The following LPXN variants were observed in gnomAD, a reference collection of about 807,000 sequenced individuals.
LPXN encodes the protein leupaxin.
In LPXN, 28 loss-of-function variants were observed where a neutral mutation model predicts 45.6. The observed-to-expected ratio is 0.61, with a 90% CI of 0.45 to 0.84. The LOEUF (loss-of-function observed/expected upper bound fraction) is 0.84. Among genes scored for constraint, LPXN ranks in the 40% least tolerant of loss-of-function variants. The pLI, the probability that LPXN is intolerant of heterozygous loss-of-function variation, is 0.00. For synonymous variants in LPXN, 166 were observed against 169.9 expected (o/e 0.98, Z 0.18); for missense variants, 459 against 475.0 (o/e 0.97, Z 0.31).
In LPXN at chr11:58,570,569, G is replaced by C. The variant is rs368653566; in HGVS notation, c.158C>G (p.Thr53Arg). 19 of 1,611,888 alleles carry C rather than the reference G, an allele frequency of 1.2e-5. No homozygotes were observed. The highest frequency in any genetic ancestry group is 1.6e-5 in the Non-Finnish European group (19 of 1,179,166). ...ATGAAAATTTACCGGCAAGGGACTT[G>C]TGTTATCCTGAATAGAAAGGATCTC... is the stretch of plus-strand genomic sequence containing the variant. ...TSEILSIQDN[T>R]SPLPAQLVYT... is the part of the protein sequence containing the mutation. The change falls in exon 2 of 9, where the codon ACA (threonine) becomes AGA (arginine). Residue 53 changes from threonine (T) to arginine (R), a missense_variant. By Grantham distance (71) the Thr-to-Arg change is moderately conservative (BLOSUM62 -1). Transcript: ENST00000395074.
chr11:58,549,393 G>T (rs987725135), intron 7 of LPXN, among the ~76,000 whole-genome samples: 2 of 152,114 alleles, frequency 1.3e-5, no homozygotes, highest in Non-Finnish European at 2.9e-5. Flanking sequence ...GCAACACAGT[G>T]AGACTCCGTC....
chr11:58,561,074 C>G (rs1204167163), intron 3 of LPXN, among the ~76,000 whole-genome samples: 1 of 152,160 alleles, frequency 6.6e-6, no homozygotes, highest in East Asian at 1.9e-4. Context: ...CATTAATCAA[C>G]AGAGCTTAGC....
At chr11:58,576,108 T>C (rs1459481175), upstream of LPXN, among the ~76,000 whole-genome samples, 1 of 152,072 alleles carries the variant, frequency 6.6e-6, no homozygotes, top group Non-Finnish European at 1.5e-5. Flanking sequence ...CTTGGATTCA[T>C]GGGAATGGCA....
upstream of LPXN, chr11:58,575,884 TAAACC>T: frequency 6.3e-7 from 1 of 1,596,568 alleles, no homozygotes. Context: ...GCAGCCTCTA[TAAACC>T]TTTTTGGTTC....
intron 8 of LPXN, 43 bp from the exon 9 acceptor site, chr11:58,527,766 G>C: frequency 6.4e-7 from 1 of 1,571,158 alleles, no homozygotes; most frequent in African/African-American, 1.4e-5. Flanking sequence ...CAAATGTCAA[G>C]AGGTAAAATG....
At chr11:58,559,483 T>A (rs574883620) in intron 3 of LPXN, among the ~76,000 whole-genome samples, 3 of 152,142 alleles carry the variant, frequency 2.0e-5, no homozygotes, top group African/African-American at 7.2e-5. Flanking sequence ...TGCTATAGAA[T>A]AACATGCAAC....
upstream of LPXN, among the ~76,000 whole-genome samples, chr11:58,577,033 C>T (rs1287006602): frequency 6.6e-6 from 1 of 152,084 alleles, no homozygotes; most frequent in African/African-American, 2.4e-5. Flanking sequence ...CTCAAGGGAT[C>T]CTCCCACTTT....
intron 1 of LPXN, among the ~76,000 whole-genome samples, chr11:58,572,580 T>G (rs957265418): frequency 6.6e-6 from 1 of 152,180 alleles, no homozygotes; most frequent in African/African-American, 2.4e-5. Flanking sequence ...AAGTAAGTAC[T>G]GTTTATTTTA....
intron 1 of LPXN, 48 bp from the exon 2 acceptor site, chr11:58,570,761 C>T: frequency 6.9e-7 from 1 of 1,439,104 alleles, no homozygotes; most frequent in African/African-American, 1.4e-5. Flanking sequence ...ATTTAAATCC[C>T]TACAGTCATT....
intron 7 of LPXN, among the ~76,000 whole-genome samples, chr11:58,545,040 G>T (rs1345382025): frequency 6.6e-6 from 1 of 152,156 alleles, no homozygotes; most frequent in Non-Finnish European, 1.5e-5. Flanking sequence ...CCTAATTAAT[G>T]AACTGATCAT....
At chr11:58,539,784 T>C (rs1360026278) in intron 7 of LPXN, among the ~76,000 whole-genome samples, 1 of 152,178 alleles carries the variant, frequency 6.6e-6, no homozygotes, top group Non-Finnish European at 1.5e-5. Flanking sequence ...TCACCTTTCC[T>C]GTATGAGATA....
chr11:58,576,468 T>C (rs1270969356), upstream of LPXN, among the ~76,000 whole-genome samples: 2 of 152,188 alleles, frequency 1.3e-5, no homozygotes, highest in Non-Finnish European at 2.9e-5. Context: ...TGCATCTCAA[T>C]TAAGCATAAT....
At chr11:58,576,678 T>C (rs1399040064), upstream of LPXN, among the ~76,000 whole-genome samples, 1 of 152,172 alleles carries the variant, frequency 6.6e-6, no homozygotes, top group African/African-American at 2.4e-5. Context: ...AATGGTGAAA[T>C]AGGTTCATGT....
intron 1 of LPXN, among the ~76,000 whole-genome samples, chr11:58,572,426 A>G (rs1158343176): frequency 1.3e-5 from 2 of 152,178 alleles, no homozygotes; most frequent in African/African-American, 2.4e-5. Flanking sequence ...ATGGGAAAAA[A>G]GAGATGAGTG....
In LPXN at chr11:58,527,617, C is replaced by T; in HGVS notation, c.998G>A (p.Gly333Glu). The change falls in exon 9 of 9, where the codon GGG becomes GAG. Residue 333 changes from glycine (G) to glutamate (E), a missense_variant. Physicochemically the swap from Gly to Glu is moderately conservative, Grantham distance 98. Transcript: ENST00000395074. The stretch of plus-strand genomic sequence containing the variant: ...GATACAACGGCCAGTGATGGGCTGC[C>T]CACACCCATGGCAGAGCGTTCCCCG... ...HRRGTLCHGC[G>E]QPITGRCISA... 1 of 1,614,178 alleles carries T rather than the reference C, an allele frequency of 6.2e-7. No homozygotes were observed. The highest frequency in any genetic ancestry group is 8.5e-7 in the Non-Finnish European group (1 of 1,180,030).
At chr11:58,563,642 G>T (rs571269750) in intron 3 of LPXN, among the ~76,000 whole-genome samples, 2 of 152,294 alleles carry the variant, frequency 1.3e-5, no homozygotes, top group East Asian at 1.9e-4. Flanking sequence ...TTTAGTAAGT[G>T]TATCTGTTTT....
chr11:58,567,980 C>T (rs1854573165), intron 2 of LPXN, among the ~76,000 whole-genome samples: 1 of 152,160 alleles, frequency 6.6e-6, no homozygotes, highest in Non-Finnish European at 1.5e-5. Context: ...CCTCTATTTC[C>T]TAAACATAAT....
chr11:58,560,181 A>G (rs1854330913), intron 3 of LPXN, among the ~76,000 whole-genome samples: 1 of 152,222 alleles, frequency 6.6e-6, no homozygotes, highest in Admixed American at 6.5e-5. Flanking sequence ...AATAGCTAAC[A>G]CACATGGCCA....
At chr11:58,554,414 T>C (rs1854141845) in intron 4 of LPXN, among the ~76,000 whole-genome samples, 1 of 152,156 alleles carries the variant, frequency 6.6e-6, no homozygotes, top group Admixed American at 6.5e-5. Context: ...AAACCACCTT[T>C]CTTCCCATCT....
Sources: gnomAD v4.1 joint callset for allele counts (sites outside exome capture counted in the v4.1 genomes callset) on GRCh38, gnomAD v4.1.1 for gene constraint, MANE v1.5 for transcripts, NCBI Gene and HGNC (gene_info 2026-07-23, HGNC 2026-07-21) for gene names.